ZNF691: variants seen among roughly 807,000 people sequenced by gnomAD.
ZNF691 encodes zinc finger protein 691.
In ZNF691, 11 loss-of-function variants were observed where a neutral mutation model predicts 24.1. That is an observed-to-expected ratio of 0.46 (90% CI 0.29 to 0.75). ZNF691 has a LOEUF of 0.75. Among genes scored for constraint, ZNF691 ranks in the 30% least tolerant of loss-of-function variants. ZNF691 has a pLI of 0.11. For synonymous variants in ZNF691, 149 were observed against 153.9 expected, an observed-to-expected ratio of 0.97 and a Z score of 0.23; for missense variants, 356 against 409.0, an observed-to-expected ratio of 0.87 and a Z score of 1.12.
Position 42,851,014 on chromosome 1 carries a change from G to A in ZNF691, c.149G>A (p.Gly50Glu), listed in dbSNP as rs1412452331. The A allele has an allele frequency of 6.4e-7, 1 of 1,554,496 alleles. No homozygotes were observed. Among genetic ancestry groups the A allele is most frequent in the African/African-American group, 1.4e-5 (1 of 72,822 alleles). ...CCACACCTGCCTGAGGAAGGGGAAGGGGGTAAGCCTTGGAGAGTGGATGAC... is the reference window on the plus strand; with the variant it reads ...CCACACCTGCCTGAGGAAGGGGAAGAGGGTAAGCCTTGGAGAGTGGATGAC... ...PEPHLPEEGE[G>E]GKPWRVDDSE... The change falls in exon 4 of 4, where the codon GGG (glycine) becomes GAG (glutamate). Residue 50 changes from glycine to glutamate, a missense_variant. By Grantham distance (98) the Gly-to-Glu change is moderately conservative. Transcript: ENST00000651192. The surrounding 1 kb of genome is among the most constrained non-coding windows in gnomAD (Gnocchi z 4.7).
At chr1:42,850,628 A>T in intron 3 of ZNF691, 1 of 1,538,486 alleles carries the variant, frequency 6.5e-7, no homozygotes, top group Non-Finnish European at 8.8e-7. Flanking sequence ...TTACTTGCCC[A>T]TGAATTATAG....
Position 42,849,700 on chromosome 1 carries a change from A to T in ZNF691, c.42A>T (p.Leu14Phe), listed in dbSNP as rs925039133. ...CSPTHSAEMS[L>F]FLQGPEEMLP... is the part of the protein sequence containing the mutation. ...CAACCCACTCTGCTGAAATGTCGTT[A>T]TTTCTTCAAGGCCCGGAGGAAATGC... is the stretch of plus-strand genomic sequence containing the variant. Residue 14 changes from leucine (L) to phenylalanine (F), a missense_variant, in exon 3 of 4, where the codon TTA becomes TTT. Physicochemically the swap from Leu to Phe is conservative, Grantham distance 22. Coordinates refer to ENST00000651192, the MANE Select transcript of ZNF691 (RefSeq NM_001242739.2). 6.4e-7 allele frequency: 1 copy of T among 1,550,882 alleles called. No homozygotes were observed. Among genetic ancestry groups the T allele is most frequent in the Admixed American group, 2.0e-5 (1 of 50,972 alleles).
intron 1 of ZNF691, among the ~76,000 whole-genome samples, chr1:42,848,076 C>A (rs1655288078): frequency 6.6e-6 from 1 of 152,200 alleles, no homozygotes; most frequent in Non-Finnish European, 1.5e-5. Flanking sequence ...TGTTTCAGTA[C>A]ACTGTATCAC....
intron 1 of ZNF691, among the ~76,000 whole-genome samples, 178 bp downstream of exon 1, chr1:42,846,835 G>C (rs12136064): frequency 0.14 from 21,846 of 152,120 alleles, 1,841 homozygotes; most frequent in Admixed American, 0.26. Context: ...CCTGGCCCCC[G>C]GCCCACGCAG....
Position 42,851,504 on chromosome 1 carries a change from G to A in ZNF691, c.639G>A (p.Thr213=), listed in dbSNP as rs371823005. 2.8e-5 allele frequency: 45 copies of A among 1,614,064 alleles called. No homozygotes were observed. Among genetic ancestry groups the A allele is most frequent in the Middle Eastern group, 3.3e-4 (2 of 6,084 alleles). The part of the protein sequence containing the change: ...ICGKSFSQSA[T]LAVHHRTHLE... ...GCAAGAGCTTCAGCCAGAGTGCCAC[G>A]CTAGCTGTGCATCACCGGACCCACC... The change falls in exon 4 of 4, where the codon ACG becomes ACA. Residue 213 remains threonine (T), a synonymous_variant. Coordinates refer to ENST00000651192, the MANE Select transcript of ZNF691 (RefSeq NM_001242739.2). The surrounding 1 kb of genome is among the most constrained non-coding windows in gnomAD (Gnocchi z 4.7).
intron 3 of ZNF691, 68 bp from the exon 4 acceptor site, chr1:42,850,882 C>A: frequency 6.4e-7 from 1 of 1,552,542 alleles, no homozygotes; most frequent in Non-Finnish European, 8.7e-7. Flanking sequence ...TCAAACTGAA[C>A]AAAAGATTCC....
rs1655423170 is a variant in ZNF691 at position 42,852,391 on chromosome 1, C to T, written c.*578C>T. 1 of 189,580 alleles carries T rather than the reference C, an allele frequency of 5.3e-6. No homozygotes were observed. Among genetic ancestry groups the T allele is most frequent in the Non-Finnish European group, 1.2e-5 (1 of 80,716 alleles). The allele number at this position is 189,580 out of a possible 1,614,324, so 11.7% of individuals were successfully genotyped here. A position where few individuals can be genotyped will look rare whatever the true frequency, so the allele number is the denominator to read the frequency against. On this transcript the variant is annotated 3_prime_UTR_variant, in exon 4 of 4. Coordinates refer to ENST00000651192, the MANE Select transcript of ZNF691 (RefSeq NM_001242739.2). ...GAGCCATGACCCAGGGACCTTCACA[C>T]TCCCCCATGTTTGTTACTTGTTATC...
At chr1:42,848,299 T>C (rs572930657) in intron 1 of ZNF691, among the ~76,000 whole-genome samples, 1 of 151,858 alleles carries the variant, frequency 6.6e-6, no homozygotes, top group South Asian at 2.1e-4. Flanking sequence ...GTGGCGTGAA[T>C]TAAGATCACA....
rs756185110 is a variant in ZNF691, at chr1:42,851,494, A to G, written c.629A>G (p.Gln210Arg). 3 of 1,614,236 alleles carry G rather than the reference A, an allele frequency of 1.9e-6. No homozygotes were observed. Among genetic ancestry groups the G allele is most frequent in the Non-Finnish European group, 2.5e-6 (3 of 1,180,048 alleles). Residue 210 changes from glutamine (Q) to arginine (R), a missense_variant, in exon 4 of 4, where the codon CAG becomes CGG. Coordinates refer to ENST00000651192, the MANE Select transcript of ZNF691 (RefSeq NM_001242739.2). The surrounding 1 kb of genome is among the most constrained non-coding windows in gnomAD (Gnocchi z 4.7). ...GACATCTGTGGCAAGAGCTTCAGCC[A>G]GAGTGCCACGCTAGCTGTGCATCAC... is the stretch of plus-strand genomic sequence containing the variant. The part of the protein sequence containing the change: ...RCDICGKSFS[Q>R]SATLAVHHRT...
chr1:42,850,786 G>T, intron 3 of ZNF691, 164 bp from the exon 4 acceptor site: 1 of 1,549,430 alleles, frequency 6.5e-7, no homozygotes, highest in Non-Finnish European at 8.7e-7. Context: ...CACTTAAAAG[G>T]TAGCAAGTAA....
In ZNF691 at chr1:42,852,139, G is replaced by A; in HGVS notation, c.*326G>A. ...AGGCAGCAGTCCCCCTGGCCTTTGA[G>A]GAAGTACTTATGAGATGGGTGTCAC... On this transcript the variant is annotated 3_prime_UTR_variant, in exon 4 of 4. Transcript: ENST00000651192. 1 of 439,514 alleles carries A rather than the reference G, an allele frequency of 2.3e-6. No homozygotes were observed. Among genetic ancestry groups the A allele is most frequent in the South Asian group, 2.0e-5 (1 of 48,884 alleles). 27.2% of individuals were successfully genotyped at this position (439,514 alleles called of 1,614,324 possible). A position where few individuals can be genotyped will look rare whatever the true frequency, so the allele number is the denominator to read the frequency against.
Position 42,849,833 on chromosome 1 carries a change from A to C in ZNF691, c.84+91A>C. ...AGCACACATTAGTGATGTTTGCACA[A>C]ATCAGGACCTGTACTGGGCACTCTT... On this transcript the variant is annotated intron_variant, in intron 3 of 3. Transcript: ENST00000651192. 3 of 1,126,568 alleles carry C rather than the reference A, an allele frequency of 2.7e-6. No homozygotes were observed. In the South Asian group the frequency reaches 4.0e-5, roughly 15 times the overall value. The allele number at this position is 1,126,568 out of a possible 1,614,324, so 69.8% of individuals were successfully genotyped here.
In ZNF691 at chr1:42,851,196, G is replaced by A. The variant is rs1459960126; in HGVS notation, c.331G>A (p.Asp111Asn). 2.5e-6 allele frequency: 4 copies of A among 1,614,240 alleles called. No individual in the cohort carries two copies. The Admixed American group carries it at 6.7e-5, about 27-fold the overall frequency. The change falls in exon 4 of 4, where the codon GAT becomes AAT. Residue 111 changes from aspartate to asparagine, a missense_variant. Physicochemically the swap from Asp to Asn is conservative, Grantham distance 23 (BLOSUM62 1). Transcript: ENST00000651192. This position sits in a 1 kb window ranked among gnomAD's most constrained non-coding sequence, Gnocchi z 4.7. Reference protein sequence around the residue: ...DPIAHPRHEADEKPFICAQCG... With the variant: ...DPIAHPRHEANEKPFICAQCG... ...CATTGCTCATCCAAGGCATGAGGCAGATGAGAAGCCCTTTATATGTGCCCA... is the reference window on the plus strand; with the variant it reads ...CATTGCTCATCCAAGGCATGAGGCAAATGAGAAGCCCTTTATATGTGCCCA...
rs567618547 is a variant in ZNF691, at chr1:42,851,790, C to T, written c.925C>T (p.Gln309Ter). The change falls in exon 4 of 4, where the codon CAG (glutamine) becomes TAG (stop). Residue 309 changes from glutamine (Q) to a stop codon, truncating the protein, a stop_gained. Transcript: ENST00000651192. LOFTEE classifies it high-confidence loss of function. The surrounding 1 kb of genome is among the most constrained non-coding windows in gnomAD (Gnocchi z 4.7). ...IRHQKTHLGE[Q>*]AGKDSS The stretch of plus-strand genomic sequence containing the variant: ...CCACCAGAAAACTCACTTGGGCGAA[C>T]AGGCTGGGAAAGATTCCAGCTGAAG... 2.5e-6 allele frequency: 4 copies of T among 1,614,124 alleles called. No individual in the cohort carries two copies. In the South Asian group the frequency reaches 3.3e-5, roughly 13 times the overall value.
At position 42,851,187 on chromosome 1, in the gene ZNF691, C is replaced by T; in HGVS notation, c.322C>T (p.His108Tyr). 2 of 1,614,232 alleles carry T rather than the reference C, an allele frequency of 1.2e-6. No homozygotes were observed. The highest frequency in any genetic ancestry group is 1.6e-4 in the Middle Eastern group (1 of 6,062). Residue 108 changes from histidine to tyrosine, a missense_variant, in exon 4 of 4, where the codon CAT (histidine) becomes TAT (tyrosine). His to Tyr is a moderately conservative substitution (Grantham distance 83). Transcript: ENST00000651192. This position sits in a 1 kb window ranked among gnomAD's most constrained non-coding sequence, Gnocchi z 4.7. ...ELGDPIAHPR[H>Y]EADEKPFICA... ...AGGGGACCCCATTGCTCATCCAAGG[C>T]ATGAGGCAGATGAGAAGCCCTTTAT...
At chr1:42,848,528 A>G (rs984328405) in intron 1 of ZNF691, among the ~76,000 whole-genome samples, 63 of 152,330 alleles carry the variant, frequency 4.1e-4, no homozygotes, top group Admixed American at 4.1e-3. Flanking sequence ...TGCTGAGGAA[A>G]AGTGGGTGAG....
chr1:42,851,245 C>A lies in ZNF691; in HGVS notation c.380C>A (p.Thr127Asn). Residue 127 changes from threonine to asparagine, a missense_variant, in exon 4 of 4, where the codon ACC becomes AAC. By Grantham distance (65) the Thr-to-Asn change is moderately conservative (BLOSUM62 0). Coordinates refer to ENST00000651192, the MANE Select transcript of ZNF691 (RefSeq NM_001242739.2). The surrounding 1 kb of genome is among the most constrained non-coding windows in gnomAD (Gnocchi z 4.7). ...CAQCGKTFNN[T>N]SNLRTHQRIH... ...CAGTGTGGCAAAACCTTCAATAATA[C>A]CTCCAACCTGAGAACACACCAGCGG... is the stretch of plus-strand genomic sequence containing the variant. The A allele has an allele frequency of 6.2e-7, 1 of 1,613,672 alleles. No homozygotes were observed. The highest frequency in any genetic ancestry group is 8.5e-7 in the Non-Finnish European group (1 of 1,179,906).
Position 42,851,688 on chromosome 1 carries a change from C to T in ZNF691, c.823C>T (p.Arg275Trp), listed in dbSNP as rs957434999. 2.5e-6 allele frequency: 4 copies of T among 1,614,098 alleles called. No homozygotes were observed. The highest frequency in any genetic ancestry group is 1.1e-5 in the South Asian group (1 of 91,088). ...TATCTCCAACTTTGGAGCACACCAGCGGACCCACAGAGGGGAGAAGCCCTA... is the reference window on the plus strand; with the variant it reads ...TATCTCCAACTTTGGAGCACACCAGTGGACCCACAGAGGGGAGAAGCCCTA... ...SDISNFGAHQ[R>W]THRGEKPYRC... The change falls in exon 4 of 4, where the codon CGG (arginine) becomes TGG (tryptophan). Residue 275 changes from arginine (R) to tryptophan (W), a missense_variant. Physicochemically the swap from Arg to Trp is moderately radical, Grantham distance 101 (BLOSUM62 -3). Coordinates refer to ENST00000651192, the MANE Select transcript of ZNF691 (RefSeq NM_001242739.2). The surrounding 1 kb of genome is among the most constrained non-coding windows in gnomAD (Gnocchi z 4.7).
Position 42,851,837 on chromosome 1 carries a change from G to A in ZNF691, c.*24G>A. The A allele has an allele frequency of 1.2e-6, 2 of 1,613,848 alleles. No individual in the cohort carries two copies. Among genetic ancestry groups the A allele is most frequent in the Non-Finnish European group, 1.7e-6 (2 of 1,179,880 alleles). Reference sequence around the variant, plus strand: ...GAAGGAGAGCCCCATTTAGAGTGAGGGAGAGAGAGTGAGAGACCCTAACCT... The same window carrying A: ...GAAGGAGAGCCCCATTTAGAGTGAGAGAGAGAGAGTGAGAGACCCTAACCT... On this transcript the variant is annotated 3_prime_UTR_variant, in exon 4 of 4. Transcript: ENST00000651192. The surrounding 1 kb of genome is among the most constrained non-coding windows in gnomAD (Gnocchi z 4.7).
Sources: gnomAD v4.1 joint callset for allele counts (sites outside exome capture counted in the v4.1 genomes callset) on GRCh38, gnomAD v4.1.1 for gene constraint, Gnocchi (gnomAD v3.1) non-coding constraint, MANE v1.5 for transcripts, NCBI Gene and HGNC (gene_info 2026-07-23, HGNC 2026-07-21) for gene names.